SENP8: variants seen among roughly 807,000 people sequenced by gnomAD.
SENP8 encodes the protein SUMO peptidase family member, NEDD8 specific.
SENP8 carries 10 observed loss-of-function variants against 14.4 expected under a neutral mutation model. The observed-to-expected ratio is 0.69, with a 90% CI of 0.43 to 1.18. SENP8 has a LOEUF of 1.18. Ranked by LOEUF, SENP8 falls within the 50% of genes most tolerant of loss-of-function variation. SENP8 has a pLI of 0.00. For missense variants in SENP8, 202 were observed against 249.4 expected (o/e 0.81, Z 1.28); for synonymous variants, 94 against 95.5 (o/e 0.98, Z 0.09).
chr15:72,129,798 C>T (rs1442490965), intron 1 of SENP8, among the ~76,000 whole-genome samples: 1 of 150,884 alleles, frequency 6.6e-6, no homozygotes, highest in East Asian at 2.0e-4. Flanking sequence ...GCCGTGATTG[C>T]ACCACTGCAT....
At chr15:72,132,717 G>A (rs1313416620) in intron 1 of SENP8, among the ~76,000 whole-genome samples, 8 of 149,312 alleles carry the variant, frequency 5.4e-5, no homozygotes, top group Non-Finnish European at 1.2e-4. Context: ...GGGCAGTGGC[G>A]AGGTCTCGGC....
In SENP8 at chr15:72,143,362, A is replaced by C. The variant is rs569166237; in HGVS notation, c.*3100A>C. 1 of 152,132 alleles carries C rather than the reference A, an allele frequency of 6.6e-6. No homozygotes were observed. Among genetic ancestry groups the C allele is most frequent in the Non-Finnish European group, 1.5e-5 (1 of 68,008 alleles). The allele number at this position is 152,132 out of a possible 1,614,324, so 9.4% of individuals were successfully genotyped here. On this transcript the variant is annotated 3_prime_UTR_variant, in exon 2 of 2. Coordinates refer to ENST00000340912, the MANE Select transcript of SENP8 (RefSeq NM_145204.4). ...TTTAAGACTAACAACAAGTTTGAAA[A>C]CTTAGTTTTATATTGCTATGCAGCT...
chr15:72,133,386 A>G (rs2081294304), intron 1 of SENP8, among the ~76,000 whole-genome samples: 1 of 152,262 alleles, frequency 6.6e-6, no homozygotes. Context: ...CTGCACCTCT[A>G]CTACTCCCAC....
upstream of SENP8, among the ~76,000 whole-genome samples, chr15:72,116,115 G>C (rs190185984): frequency 1.5e-3 from 224 of 152,260 alleles, 1 homozygote; most frequent in Non-Finnish European, 5.7e-4. Flanking sequence ...ATCACAGAAA[G>C]GATACACATG....
intron 1 of SENP8, among the ~76,000 whole-genome samples, chr15:72,130,900 G>A (rs1255282038): frequency 6.6e-6 from 1 of 152,142 alleles, no homozygotes; most frequent in African/African-American, 2.4e-5. Flanking sequence ...TTAAAAATTG[G>A]CAGAGATGAC....
rs541318176 is a variant in SENP8, at chr15:72,120,239, A to G, written c.-48+1775A>G. Among the ~76,000 whole-genome samples, 17 of 152,392 alleles carry G rather than the reference A, an allele frequency of 1.1e-4. No individual in the cohort carries two copies. The East Asian group carries it at 1.9e-3, about 17-fold the overall frequency. The stretch of plus-strand genomic sequence containing the variant: ...AATTAGGATGGAAAATTACCGTATT[A>G]GGGAAAGCAGGCCTTTAAACAAAGA... On this transcript the variant is annotated intron_variant, in intron 1 of 1. Transcript: ENST00000340912.
intron 1 of SENP8, among the ~76,000 whole-genome samples, chr15:72,133,829 A>G (rs1281660646): frequency 6.6e-6 from 1 of 152,246 alleles, no homozygotes; most frequent in Admixed American, 6.5e-5. Context: ...GACACAAAGG[A>G]GAACACTCAG....
At chr15:72,134,625 T>C (rs1197237216) in intron 1 of SENP8, 2 of 187,272 alleles carry the variant, frequency 1.1e-5, no homozygotes, top group African/African-American at 2.4e-5. Flanking sequence ...AATGCCATCT[T>C]CCAGTAATTT....
At chr15:72,126,847 AT>A (rs941835388) in intron 1 of SENP8, among the ~76,000 whole-genome samples, 1 of 152,244 alleles carries the variant, frequency 6.6e-6, no homozygotes, top group Admixed American at 6.5e-5. Flanking sequence ...TCTACATATG[AT>A]TTTTTTATGC....
At chr15:72,124,978 A>G (rs961072338) in intron 1 of SENP8, among the ~76,000 whole-genome samples, 20 of 152,246 alleles carry the variant, frequency 1.3e-4, no homozygotes, top group African/African-American at 4.3e-4. Context: ...TATTGACAAT[A>G]TTATATTTAA....
chr15:72,117,433 G>A (rs527519192), upstream of SENP8, among the ~76,000 whole-genome samples: 27 of 152,278 alleles, frequency 1.8e-4, no homozygotes, highest in African/African-American at 6.0e-4. Context: ...CTGGGTTGGG[G>A]GGACCGTGAC....
chr15:72,122,414 A>T (rs145335200), intron 1 of SENP8, among the ~76,000 whole-genome samples: 72 of 152,256 alleles, frequency 4.7e-4, no homozygotes, highest in African/African-American at 1.5e-3. Context: ...AGGCCCAGGC[A>T]ACCCATCTCC....
upstream of SENP8, among the ~76,000 whole-genome samples, chr15:72,117,355 G>A (rs1359729933): frequency 6.6e-6 from 1 of 152,198 alleles, no homozygotes; most frequent in Non-Finnish European, 1.5e-5. Context: ...GCCCAAGGGA[G>A]GATGTAACGT....
upstream of SENP8, chr15:72,117,562 C>A (rs114582540): frequency 0.047 from 17,691 of 372,612 alleles, 1,007 homozygotes; most frequent in East Asian, 0.23. Flanking sequence ...GGCGCAGACC[C>A]GCTCGCGGGG....
intron 1 of SENP8, among the ~76,000 whole-genome samples, chr15:72,122,418 C>T (rs1262863488): frequency 2.6e-5 from 4 of 152,132 alleles, no homozygotes; most frequent in African/African-American, 4.8e-5. Flanking sequence ...CCAGGCAACC[C>T]ATCTCCTTTG....
chr15:72,128,683 C>G (rs2081242878), intron 1 of SENP8, among the ~76,000 whole-genome samples: 1 of 152,208 alleles, frequency 6.6e-6, no homozygotes, highest in South Asian at 2.1e-4. Context: ...AATTAAAGCT[C>G]TAGGAAGATG....
rs749649414 is a variant in SENP8 at position 72,139,680 on chromosome 15, A to G, written c.57A>G (p.Ser19=). The G allele has an allele frequency of 1.2e-6, 2 of 1,614,212 alleles. No homozygotes were observed. Among genetic ancestry groups the G allele is most frequent in the Non-Finnish European group, 1.7e-6 (2 of 1,180,038 alleles). Residue 19 remains serine (S), a synonymous_variant, in exon 2 of 2, where the codon TCA becomes TCG. Transcript: ENST00000340912. The stretch of plus-strand genomic sequence containing the variant: ...GTCTACTGCGGCAATCAGATGTCTC[A>G]CTATTGGATCCGCCAAGCTGGCTCA... The part of the protein sequence containing the change: ...MDSLLRQSDV[S]LLDPPSWLND...
intron 1 of SENP8, among the ~76,000 whole-genome samples, chr15:72,121,438 G>T (rs1438968268): frequency 1.3e-5 from 2 of 152,098 alleles, no homozygotes; most frequent in African/African-American, 4.8e-5. Flanking sequence ...TTTGAAAAAT[G>T]GAATCTTGGG....
upstream of SENP8, chr15:72,117,085 TGA>T (rs1236734875): frequency 6.6e-6 from 1 of 152,210 alleles, no homozygotes; most frequent in East Asian, 1.9e-4. Context: ...AGAGGTCTGT[TGA>T]GAGAGGCTAC....
Sources: gnomAD v4.1 joint callset for allele counts (sites outside exome capture counted in the v4.1 genomes callset) on GRCh38, gnomAD v4.1.1 for gene constraint, MANE v1.5 for transcripts, NCBI Gene and HGNC (gene_info 2026-07-23, HGNC 2026-07-21) for gene names.